The following PCDHGA4 variants were observed in gnomAD, a reference collection of about 807,000 sequenced individuals.
PCDHGA4 encodes protocadherin gamma-A4.
In PCDHGA4, 38 loss-of-function variants were observed where a neutral mutation model predicts 54.6. That is an observed-to-expected ratio of 0.70 (90% CI 0.54 to 0.91). The LOEUF (loss-of-function observed/expected upper bound fraction) is 0.91. Among genes scored for constraint, PCDHGA4 ranks in the 40% least tolerant of loss-of-function variants. PCDHGA4 has a pLI of 0.00. For synonymous variants in PCDHGA4, 511 were observed against 512.9 expected, an observed-to-expected ratio of 1.00 and a Z score of 0.05; for missense variants, 1,298 against 1,220.9, an observed-to-expected ratio of 1.06 and a Z score of -0.94.
intron 2 of PCDHGA4, among the ~76,000 whole-genome samples, chr5:141,504,118 G>A (rs948008198): frequency 6.6e-6 from 1 of 152,096 alleles, no homozygotes; most frequent in African/African-American, 2.4e-5. Flanking sequence ...GTGTGCCAGG[G>A]CTGTTTCCCG....
intron 1 of PCDHGA4, chr5:141,415,889 T>C: frequency 2.1e-6 from 2 of 942,152 alleles, no homozygotes; most frequent in Non-Finnish European, 2.9e-6. Context: ...TATTGACAAT[T>C]CCTAAGACAG....
chr5:141,477,301 C>T lies in PCDHGA4; in HGVS notation c.2515-17506C>T, dbSNP rs756549446. The T allele has an allele frequency of 6.2e-7, 1 of 1,614,160 alleles. No homozygotes were observed. Among genetic ancestry groups the T allele is most frequent in the East Asian group, 2.2e-5 (1 of 44,872 alleles). Reference sequence around the variant, plus strand: ...TGACCTGCGAAGTTCCACCGGGTCTCCCTTTCAGCCTTACTTCTTCCCTCA... The same window carrying T: ...TGACCTGCGAAGTTCCACCGGGTCTTCCTTTCAGCCTTACTTCTTCCCTCA... On this transcript the variant is annotated intron_variant, in intron 1 of 3. Coordinates refer to ENST00000571252, the MANE Select transcript of PCDHGA4 (RefSeq NM_018917.4). The surrounding 1 kb of genome is among the most constrained non-coding windows in gnomAD (Gnocchi z 4.9).
intron 1 of PCDHGA4, chr5:141,399,680 A>G (rs1182095574): frequency 1.2e-6 from 2 of 1,613,514 alleles, no homozygotes; most frequent in East Asian, 2.2e-5. Context: ...GCCTTTGACT[A>G]CGAGCAGCTG....
intron 1 of PCDHGA4, chr5:141,428,082 G>T (rs776612130): frequency 1.2e-6 from 2 of 1,609,030 alleles, no homozygotes; most frequent in South Asian, 2.2e-5. Flanking sequence ...GGGACACAAC[G>T]CTTGGCTGTC....
intron 3 of PCDHGA4, among the ~76,000 whole-genome samples, chr5:141,505,969 A>G (rs1454691041): frequency 1.3e-5 from 2 of 152,142 alleles, no homozygotes; most frequent in Non-Finnish European, 2.9e-5. Context: ...AGAAATCCCC[A>G]GCCGAGAGAA....
At position 141,355,954 on chromosome 5, in the gene PCDHGA4, C is replaced by T. The variant is rs748883538; in HGVS notation, c.847C>T (p.Arg283Cys). ...FTQPEYHVSV[R>C]ENVPVGTRLL... is the part of the protein sequence containing the mutation. The stretch of plus-strand genomic sequence containing the variant: ...TCAGCCCGAGTACCACGTAAGTGTT[C>T]GTGAGAACGTTCCTGTAGGCACTCG... The change falls in exon 1 of 4, where the codon CGT (arginine) becomes TGT (cysteine). Residue 283 changes from arginine to cysteine, a missense_variant. Coordinates refer to ENST00000571252, the MANE Select transcript of PCDHGA4 (RefSeq NM_018917.4). The T allele has an allele frequency of 1.9e-5, 30 of 1,613,706 alleles. No individual in the cohort carries two copies. In the African/African-American group the frequency reaches 2.9e-4, roughly 16 times the overall value.
intron 1 of PCDHGA4, among the ~76,000 whole-genome samples, chr5:141,451,493 T>C (rs1554137340): frequency 2.0e-5 from 3 of 152,230 alleles, no homozygotes; most frequent in Admixed American, 2.0e-4. Context: ...TGGACCTCCA[T>C]AGGGCAACCA....
chr5:141,383,838 C>T, intron 1 of PCDHGA4: 1 of 1,613,892 alleles, frequency 6.2e-7, no homozygotes, highest in East Asian at 2.2e-5. Flanking sequence ...AAGAAACTGC[C>T]TTCTATGAAA....
chr5:141,385,363 T>G lies in PCDHGA4; in HGVS notation c.2514+27742T>G, dbSNP rs533363868. The G allele has an allele frequency of 5.7e-5, 88 of 1,539,980 alleles. No individual in the cohort carries two copies. The South Asian group carries it at 1.1e-3, about 19-fold the overall frequency. The stretch of plus-strand genomic sequence containing the variant: ...TCCTTTATTTCCATGAGGAATTTAT[T>G]TGCATGATATTTCTCTATTATTTTG... On this transcript the variant is annotated intron_variant, in intron 1 of 3. Transcript: ENST00000571252.
chr5:141,487,135 A>G lies in PCDHGA4; in HGVS notation c.2515-7672A>G. 6.2e-7 allele frequency: 1 copy of G among 1,613,544 alleles called. No individual in the cohort carries two copies. The highest frequency in any genetic ancestry group is 8.5e-7 in the Non-Finnish European group (1 of 1,179,856). ...TGGTAAAGGATAGTGGTAGTCCACC[A>G]CTCTCTACCTCTGTTACTCTCTTAG... On this transcript the variant is annotated intron_variant, in intron 1 of 3. Transcript: ENST00000571252. The surrounding 1 kb of genome is among the most constrained non-coding windows in gnomAD (Gnocchi z 5.0).
Position 141,487,568 on chromosome 5 carries a change from C to G in PCDHGA4, c.2515-7239C>G, listed in dbSNP as rs752378906. The G allele has an allele frequency of 1.9e-6, 3 of 1,614,180 alleles. No homozygotes were observed. Among genetic ancestry groups the G allele is most frequent in the Non-Finnish European group, 2.5e-6 (3 of 1,180,042 alleles). ...ACCCAGTGCACCTATGGCAGGGGAG[C>G]CTGTTCGCCCAAGCTGCCCACCCTC... On this transcript the variant is annotated intron_variant, in intron 1 of 3. Transcript: ENST00000571252. This position sits in a 1 kb window ranked among gnomAD's most constrained non-coding sequence, Gnocchi z 5.0.
At chr5:141,457,568 T>A (rs1397626206) in intron 1 of PCDHGA4, among the ~76,000 whole-genome samples, 1 of 152,190 alleles carries the variant, frequency 6.6e-6, no homozygotes, top group African/African-American at 2.4e-5. Context: ...TGGAGCAAAA[T>A]TTTTCTCTCC....
In PCDHGA4 at chr5:141,383,002, G is replaced by A. The variant is rs376825891; in HGVS notation, c.2514+25381G>A. 8 of 1,613,766 alleles carry A rather than the reference G, an allele frequency of 5.0e-6. No individual in the cohort carries two copies. Among genetic ancestry groups the A allele is most frequent in the East Asian group, 2.2e-5 (1 of 44,884 alleles). On this transcript the variant is annotated intron_variant, in intron 1 of 3. Transcript: ENST00000571252. ...CTGGGCAGGACGTATTCTCTACTCC[G>A]TGTCGGAGGAGACGGACAAAGGGTC...
At chr5:141,376,632 T>G (rs1399941658) in intron 1 of PCDHGA4, 5 of 1,296,946 alleles carry the variant, frequency 3.9e-6, no homozygotes, top group Non-Finnish European at 5.2e-6. Flanking sequence ...GGAAGATTCG[T>G]GATTTTGTAA....
intron 1 of PCDHGA4, chr5:141,441,249 TA>T (rs981387539): frequency 6.6e-6 from 1 of 152,206 alleles, no homozygotes; most frequent in Non-Finnish European, 1.5e-5. Context: ...ACAAGATCTT[TA>T]AATCACAAGA....
rs757926227 is a variant in PCDHGA4, at chr5:141,432,889, G to A, written c.2515-61918G>A. 1.6e-5 allele frequency: 26 copies of A among 1,614,180 alleles called. No individual in the cohort carries two copies. In the East Asian group the frequency reaches 5.8e-4, roughly 36 times the overall value. On this transcript the variant is annotated intron_variant, in intron 1 of 3. Transcript: ENST00000571252. This position sits in a 1 kb window ranked among gnomAD's most constrained non-coding sequence, Gnocchi z 6.0. ...GCGTCTTCCTGGCCTTCGTCATCTT[G>A]CTGCTGGCGCTCAGGCTGCGGCGCT...
At chr5:141,484,009 TG>T (rs2099590446) in intron 1 of PCDHGA4, among the ~76,000 whole-genome samples, 1 of 14,098 alleles carries the variant, frequency 7.1e-5, no homozygotes, top group Admixed American at 8.3e-4. Context: ...TGGATGAGGG[TG>T]GGGGTGGGGT....
At chr5:141,375,223 C>T in intron 1 of PCDHGA4, 4 of 1,613,982 alleles carry the variant, frequency 2.5e-6, no homozygotes, top group Non-Finnish European at 3.4e-6. Flanking sequence ...GCCTGAATGG[C>T]CTGGTAACCT....
chr5:141,472,494 C>T (rs561045783), intron 1 of PCDHGA4, among the ~76,000 whole-genome samples: 9 of 151,168 alleles, frequency 6.0e-5, no homozygotes, highest in South Asian at 2.1e-4. Context: ...GAGACGAGAT[C>T]GTGCCACTGC....
Sources: gnomAD v4.1 joint callset for allele counts (sites outside exome capture counted in the v4.1 genomes callset) on GRCh38, gnomAD v4.1.1 for gene constraint, Gnocchi (gnomAD v3.1) non-coding constraint, MANE v1.5 for transcripts, NCBI Gene and HGNC (gene_info 2026-07-23, HGNC 2026-07-21) for gene names.